The following SLC26A8 variants were observed in gnomAD, a reference collection of about 807,000 sequenced individuals.
SLC26A8 encodes testis anion transporter 1.
In SLC26A8, 70 loss-of-function variants were observed where a neutral mutation model predicts 105.0. The ratio of observed to expected loss-of-function variants is 0.67; its 90% CI spans 0.55 to 0.81. SLC26A8 has a LOEUF of 0.81. Ranked by LOEUF, SLC26A8 falls within the 40% of genes least tolerant of loss-of-function variation. SLC26A8 has a pLI of 0.00. For missense variants in SLC26A8, 998 were observed against 1,181.8 expected (o/e 0.84, Z 2.28); for synonymous variants, 415 against 438.3 (o/e 0.95, Z 0.66).
At position 36,019,516 on chromosome 6, in the gene SLC26A8, G is replaced by A. The variant is rs1562078381; in HGVS notation, c.188+4C>T. Reference sequence around the variant, plus strand: ...GCAGCAGGTGAAAGATTGGACACACGCACCGGCACTGGACGTGGTGTCTGA... The same window carrying A: ...GCAGCAGGTGAAAGATTGGACACACACACCGGCACTGGACGTGGTGTCTGA... On this transcript the variant is annotated splice_donor_region_variant and intron_variant, in intron 2 of 19. Coordinates refer to ENST00000490799, the MANE Select transcript of SLC26A8 (RefSeq NM_052961.4). 2.5e-6 allele frequency: 4 copies of A among 1,610,732 alleles called. No individual in the cohort carries two copies. Among genetic ancestry groups the A allele is most frequent in the Non-Finnish European group, 3.4e-6 (4 of 1,178,544 alleles).
intron 19 of SLC26A8, among the ~76,000 whole-genome samples, chr6:35,946,330 A>G (rs1333316269): frequency 5.9e-5 from 9 of 152,132 alleles, no homozygotes; most frequent in Non-Finnish European, 1.3e-4. Context: ...TCCGCCTCCC[A>G]GGTTCAAGTG....
chr6:35,993,799 G>A (rs1279088810), intron 5 of SLC26A8, among the ~76,000 whole-genome samples: 3 of 152,156 alleles, frequency 2.0e-5, no homozygotes, highest in African/African-American at 4.8e-5. Context: ...GCTCAAGTGG[G>A]AGGGTCGCTT....
rs747625315 is a variant in SLC26A8, at chr6:36,019,534, G to A, written c.174C>T (p.His58=). Residue 58 remains histidine, a synonymous_variant, in exon 2 of 20, where the codon CAC becomes CAT. Coordinates refer to ENST00000490799, the MANE Select transcript of SLC26A8 (RefSeq NM_052961.4). ...GACACACGCACCGGCACTGGACGTG[G>A]TGTCTGAAGGTGGTGATGTTGATGT... is the stretch of plus-strand genomic sequence containing the variant. ...NMNINITTFR[H]HVQCRCSWHR... is the part of the protein sequence containing the mutation. 5.6e-6 allele frequency: 9 copies of A among 1,613,448 alleles called. No individual in the cohort carries two copies. In the South Asian group the frequency reaches 9.9e-5, roughly 18 times the overall value.
At chr6:35,998,073 A>G (rs1761407060) in intron 4 of SLC26A8, among the ~76,000 whole-genome samples, 154 bp from the exon 5 acceptor site, 1 of 152,258 alleles carries the variant, frequency 6.6e-6, no homozygotes, top group East Asian at 1.9e-4. Context: ...AAATCAAAAA[A>G]GAGAACTGTG....
intron 12 of SLC26A8, among the ~76,000 whole-genome samples, chr6:35,962,242 A>T (rs933675729): frequency 6.8e-6 from 1 of 147,972 alleles, no homozygotes; most frequent in African/African-American, 2.5e-5. Context: ...AAAAAAAAAA[A>T]GTTATCCAAA....
rs145006643 is a variant in SLC26A8, at chr6:35,982,092, A to G, written c.1025+29T>C. 214 of 1,609,016 alleles carry G rather than the reference A, an allele frequency of 1.3e-4. 1 individual carries two copies. The East Asian group carries it at 4.1e-3, about 30-fold the overall frequency. ...CTAAGAGAGGGTATCAGAAAGAGAA[A>G]AGCAATCTTGAAAAGTGGAATTACT... On this transcript the variant is annotated intron_variant, in intron 8 of 19. Transcript: ENST00000490799.
intron 8 of SLC26A8, 77 bp from the exon 9 acceptor site, chr6:35,977,428 G>A: frequency 7.2e-7 from 1 of 1,398,004 alleles, no homozygotes. Context: ...TTCTAACACT[G>A]GGCTGTCCTG....
chr6:35,990,761 G>A (rs1373246614), intron 7 of SLC26A8, among the ~76,000 whole-genome samples: 2 of 152,166 alleles, frequency 1.3e-5, no homozygotes, highest in Admixed American at 6.6e-5. Context: ...AGAAAGGAGT[G>A]AATAACTGAA....
At position 35,973,835 on chromosome 6, in the gene SLC26A8, C is replaced by T. The variant is rs76158072; in HGVS notation, c.1287+1540G>A. Among the ~76,000 whole-genome samples, 77 of 152,354 alleles carry T rather than the reference C, an allele frequency of 5.1e-4. No homozygotes were observed. The East Asian group carries it at 0.011, about 22-fold the overall frequency. ...TTTCTGACCATGGCTACACCTTTTA[C>T]TATGTTTCTGCAGCAGAAGCTTGTC... On this transcript the variant is annotated intron_variant, in intron 10 of 19. Coordinates refer to ENST00000490799, the MANE Select transcript of SLC26A8 (RefSeq NM_052961.4).
chr6:35,989,900 TTTTTG>T (rs369836623), intron 7 of SLC26A8: 16,054 of 147,830 alleles, frequency 0.11, 1,013 homozygotes, highest in South Asian at 0.14. Context: ...TTCTGTTTTT[TTTTTG>T]TTTGTTTGTT....
intron 2 of SLC26A8, among the ~76,000 whole-genome samples, chr6:36,016,263 G>A (rs1761992996): frequency 6.6e-6 from 1 of 152,150 alleles, no homozygotes; most frequent in Non-Finnish European, 1.5e-5. Flanking sequence ...AAAGTGCTGG[G>A]ATTACAGGTG....
At chr6:35,996,985 C>T (rs566248572) in intron 5 of SLC26A8, among the ~76,000 whole-genome samples, 11 of 151,454 alleles carry the variant, frequency 7.3e-5, no homozygotes, top group African/African-American at 2.2e-4. Flanking sequence ...CAGTGAGCCA[C>T]GATTGTCCCA....
At chr6:35,992,478 TGTAACTCTGG>T in intron 6 of SLC26A8, 22 bp downstream of exon 6, 1 of 1,589,228 alleles carries the variant, frequency 6.3e-7, no homozygotes, top group South Asian at 1.2e-5. Flanking sequence ...GAGTGGCATT[TGTAACTCTGG>T]GTAAGAGTTG....
intron 16 of SLC26A8, among the ~76,000 whole-genome samples, chr6:35,957,247 A>G (rs1349672404): frequency 1.3e-5 from 2 of 152,048 alleles, no homozygotes; most frequent in African/African-American, 4.8e-5. Context: ...AAGTAAGAAT[A>G]TATATGGATG....
At chr6:36,018,074 G>T (rs1762040378) in intron 2 of SLC26A8, among the ~76,000 whole-genome samples, 1 of 152,246 alleles carries the variant, frequency 6.6e-6, no homozygotes, top group Non-Finnish European at 1.5e-5. Context: ...TACATTGCCA[G>T]TGAAAATGTA....
intron 8 of SLC26A8, among the ~76,000 whole-genome samples, chr6:35,978,353 G>C (rs1773127601): frequency 6.6e-6 from 1 of 152,022 alleles, no homozygotes; most frequent in Admixed American, 6.6e-5. Flanking sequence ...TGATGATTTG[G>C]GGAGAGTGGT....
chr6:35,990,207 G>A (rs1213725354), intron 7 of SLC26A8: 1 of 165,056 alleles, frequency 6.1e-6, no homozygotes, highest in Admixed American at 6.5e-5. Flanking sequence ...AAAGTGCTGG[G>A]ATTACAGGCA....
chr6:35,985,834 A>G (rs1057205331), intron 7 of SLC26A8, among the ~76,000 whole-genome samples: 1 of 151,728 alleles, frequency 6.6e-6, no homozygotes, highest in East Asian at 1.9e-4. Context: ...TGCACCCTAC[A>G]AACTCCATAT....
chr6:35,960,699 C>T, intron 14 of SLC26A8, 144 bp downstream of exon 14: 1 of 761,974 alleles, frequency 1.3e-6, no homozygotes, highest in South Asian at 1.8e-5. Flanking sequence ...CCATCTCTAC[C>T]AGTGTACATC....
Sources: allele counts gnomAD v4.1 joint callset (sites outside exome capture counted in the v4.1 genomes callset), GRCh38; gene constraint gnomAD v4.1.1; transcripts MANE v1.5; gene names NCBI Gene and HGNC (gene_info 2026-07-23, HGNC 2026-07-21).